Variants in SEMA3E observed in about 807,000 individuals in gnomAD.
SEMA3E encodes semaphorin-3E.
Under a neutral mutation model 93.6 loss-of-function variants are expected in SEMA3E, and 49 were observed. The observed-to-expected ratio is 0.52, with a 90% CI of 0.42 to 0.66. SEMA3E has a LOEUF of 0.66. Ranked by LOEUF, SEMA3E falls within the 30% of genes least tolerant of loss-of-function variation. The pLI is 0.00. For synonymous variants in SEMA3E, 363 were observed against 330.7 expected, an observed-to-expected ratio of 1.10 and a Z score of -1.06; for missense variants, 906 against 964.8, an observed-to-expected ratio of 0.94 and a Z score of 0.81.
chr7:83,372,203 G>C (rs1251282956), intron 16 of SEMA3E: 1 of 397,576 alleles, frequency 2.5e-6, no homozygotes, highest in Non-Finnish European at 4.4e-6. Flanking sequence ...ATTTGAATAA[G>C]AAGGAGCAAA....
At chr7:83,545,641 T>C (rs1158860604) in intron 1 of SEMA3E, among the ~76,000 whole-genome samples, 1 of 150,762 alleles carries the variant, frequency 6.6e-6, no homozygotes, top group Non-Finnish European at 1.5e-5. Flanking sequence ...AACTTTTAAC[T>C]GTTAAGGACA....
chr7:83,624,189 G>A (rs1224571876), intron 1 of SEMA3E, among the ~76,000 whole-genome samples: 1 of 152,114 alleles, frequency 6.6e-6, no homozygotes, highest in Admixed American at 6.6e-5. Context: ...AAACATACAT[G>A]TGCATGTGTC....
Position 83,389,794 on chromosome 7 carries a change from T to C in SEMA3E, c.1668-2744A>G, listed in dbSNP as rs1395685065. 2.2e-4 allele frequency among the ~76,000 whole-genome samples: 15 copies of C among 68,590 alleles called. 1 individual carries two copies. The highest frequency in any genetic ancestry group is 5.4e-4 in the Admixed American group (3 of 5,566). The allele number at this position is 68,590 out of a possible 152,430, so 45.0% of individuals were successfully genotyped here. On this transcript the variant is annotated intron_variant, in intron 14 of 16. Coordinates refer to ENST00000643230, the MANE Select transcript of SEMA3E (RefSeq NM_012431.3). ...CACGTATATATTACATGTATACATA[T>C]ATACACGTATATATTACATGTATAC... is the stretch of plus-strand genomic sequence containing the variant.
chr7:83,429,010 T>C (rs1478493281), intron 4 of SEMA3E, among the ~76,000 whole-genome samples: 2 of 152,126 alleles, frequency 1.3e-5, no homozygotes, highest in African/African-American at 4.8e-5. Flanking sequence ...GAGAGGAGTA[T>C]ATGTGTTTGC....
At chr7:83,576,306 GAAAATTTCAAACATGT>G (rs1244504932) in intron 1 of SEMA3E, among the ~76,000 whole-genome samples, 13 of 152,034 alleles carry the variant, frequency 8.6e-5, no homozygotes, top group African/African-American at 3.1e-4. Flanking sequence ...CCTTTTATTG[GAAAATTTCAAACATGT>G]AAATATTGAG....
intron 1 of SEMA3E, among the ~76,000 whole-genome samples, chr7:83,502,239 G>T (rs977977284): frequency 6.6e-6 from 1 of 152,004 alleles, no homozygotes; most frequent in South Asian, 2.1e-4. Flanking sequence ...TCTATGCTCC[G>T]TGCCTCCCTC....
At position 83,366,827 on chromosome 7, in the gene SEMA3E, G is replaced by A. The variant is rs1794676701; in HGVS notation, c.*759C>T. On this transcript the variant is annotated 3_prime_UTR_variant, in exon 17 of 17. Coordinates refer to ENST00000643230, the MANE Select transcript of SEMA3E (RefSeq NM_012431.3). ...TAATTTTTTTTACCACAAGAGGGAA[G>A]CAAAAATCTTTTACAGTAGTTAGAA... 6.6e-6 allele frequency: 1 copy of A among 152,070 alleles called. No individual in the cohort carries two copies. The highest frequency in any genetic ancestry group is 1.5e-5 in the Non-Finnish European group (1 of 67,970). 9.4% of individuals were successfully genotyped at this position (152,070 alleles called of 1,614,324 possible).
chr7:83,414,599 A>G (rs891574763), intron 5 of SEMA3E, among the ~76,000 whole-genome samples: 1 of 152,126 alleles, frequency 6.6e-6, no homozygotes, highest in Non-Finnish European at 1.5e-5. Context: ...CATGGACTAT[A>G]AAATGTCTTA....
intron 5 of SEMA3E, among the ~76,000 whole-genome samples, chr7:83,417,948 G>C (rs1788588354): frequency 6.6e-6 from 1 of 152,078 alleles, no homozygotes; most frequent in African/African-American, 2.4e-5. Context: ...TCTCAAAAGA[G>C]ATGAGTTTCT....
chr7:83,394,261 C>T lies in SEMA3E; in HGVS notation c.1500+36G>A, dbSNP rs772229109. ...ACCTTACCTTAGCTCACATATAGAA[C>T]ACACACACCTACACACACACACACA... On this transcript the variant is annotated intron_variant, in intron 13 of 16. Transcript: ENST00000643230. The T allele has an allele frequency of 1.3e-5, 19 of 1,479,374 alleles. No individual in the cohort carries two copies. The South Asian group carries it at 2.0e-4, about 15-fold the overall frequency. The allele number at this position is 1,479,374 out of a possible 1,614,324, so 91.6% of individuals were successfully genotyped here. A position where few individuals can be genotyped will look rare whatever the true frequency, so the allele number is the denominator to read the frequency against.
chr7:83,427,193 T>C (rs368182238), intron 4 of SEMA3E, among the ~76,000 whole-genome samples: 5 of 151,656 alleles, frequency 3.3e-5, no homozygotes, highest in African/African-American at 1.2e-4. Flanking sequence ...CCTTCCTTCC[T>C]TTCCTTCTTT....
At chr7:83,470,862 C>CTTTTTTTT (rs60392556) in intron 2 of SEMA3E, among the ~76,000 whole-genome samples, 8 of 139,930 alleles carry the variant, frequency 5.7e-5, no homozygotes, top group Non-Finnish European at 1.1e-4. Context: ...CCCACATTTT[C>CTTTTTTTT]TTTTTTTTTT....
At chr7:83,545,552 G>GAAAAAAAAAAAA (rs3068645) in intron 1 of SEMA3E, among the ~76,000 whole-genome samples, 44 of 86,244 alleles carry the variant, frequency 5.1e-4, no homozygotes, top group East Asian at 6.7e-4. Flanking sequence ...GAAGAGAAAT[G>GAAAAAAAAAAAA]AAAAAAAAAA....
In SEMA3E at chr7:83,415,205, G is replaced by C. The variant is rs559567820; in HGVS notation, c.550+3185C>G. 1.3e-3 allele frequency among the ~76,000 whole-genome samples: 193 copies of C among 152,154 alleles called. 1 individual carries two copies. Among genetic ancestry groups the C allele is most frequent in the African/African-American group, 4.5e-3 (188 of 41,552 alleles). On this transcript the variant is annotated intron_variant, in intron 5 of 16. Transcript: ENST00000643230. ...AATTCATTATACTGAAAAATTTATTGTTTCAACAAGCTGCTTTTAAAATCA... is the reference window on the plus strand; with the variant it reads ...AATTCATTATACTGAAAAATTTATTCTTTCAACAAGCTGCTTTTAAAATCA...
chr7:83,568,527 T>C (rs977646590), intron 1 of SEMA3E, among the ~76,000 whole-genome samples: 5 of 152,216 alleles, frequency 3.3e-5, no homozygotes, highest in Middle Eastern at 3.4e-3. Flanking sequence ...TAGTACACCA[T>C]GATCAAACAT....
At chr7:83,418,305 A>T in intron 5 of SEMA3E, 85 bp downstream of exon 5, 1 of 947,784 alleles carries the variant, frequency 1.1e-6, no homozygotes, top group Non-Finnish European at 1.7e-6. Flanking sequence ...ATGTAAAGAA[A>T]TGCTGAAAGA....
At chr7:83,586,348 T>C (rs1386658197) in intron 1 of SEMA3E, among the ~76,000 whole-genome samples, 7 of 152,120 alleles carry the variant, frequency 4.6e-5, no homozygotes, top group Admixed American at 1.3e-4. Context: ...TTATTATCTA[T>C]GAAACAGTTA....
chr7:83,642,351 G>A (rs1794024615), intron 1 of SEMA3E, among the ~76,000 whole-genome samples: 1 of 152,118 alleles, frequency 6.6e-6, no homozygotes, highest in African/African-American at 2.4e-5. Flanking sequence ...GTAATCAGTT[G>A]TCTTGGCCAC....
At chr7:83,577,342 C>T (rs1792427045) in intron 1 of SEMA3E, among the ~76,000 whole-genome samples, 1 of 152,052 alleles carries the variant, frequency 6.6e-6, no homozygotes, top group South Asian at 2.1e-4. Context: ...AAAGTTTATG[C>T]TTTCAATAAT....
Sources: gnomAD v4.1 joint callset for allele counts (sites outside exome capture counted in the v4.1 genomes callset) on GRCh38, gnomAD v4.1.1 for gene constraint, MANE v1.5 for transcripts, NCBI Gene and HGNC (gene_info 2026-07-23, HGNC 2026-07-21) for gene names.